The following KCNQ3 variants were observed in gnomAD, a reference collection of about 807,000 sequenced individuals.
The protein encoded by KCNQ3 is potassium voltage-gated channel subfamily KQT member 3.
KCNQ3 carries 30 observed loss-of-function variants against 92.5 expected under a neutral mutation model. The ratio of observed to expected loss-of-function variants is 0.32; its 90% confidence interval spans 0.24 to 0.44. The LOEUF is 0.44. Among genes scored for constraint, KCNQ3 ranks in the 20% least tolerant of loss-of-function variants. The pLI is 1.00. For missense variants in KCNQ3, 913 were observed against 1,140.3 expected, an observed-to-expected ratio of 0.80 and a Z score of 2.87; for synonymous variants, 450 against 468.8, an observed-to-expected ratio of 0.96 and a Z score of 0.52.
chr8:132,279,823 T>C (rs1357638845), intron 1 of KCNQ3, among the ~76,000 whole-genome samples: 1 of 151,414 alleles, frequency 6.6e-6, no homozygotes, highest in Non-Finnish European at 1.5e-5. Flanking sequence ...TATATATGCA[T>C]ACATATATGT....
intron 1 of KCNQ3, among the ~76,000 whole-genome samples, chr8:132,331,650 C>T (rs909727487): frequency 2.6e-5 from 4 of 152,150 alleles, no homozygotes; most frequent in African/African-American, 7.2e-5. Flanking sequence ...GAGCACCCAC[C>T]GTACTGAAGG....
intron 1 of KCNQ3, among the ~76,000 whole-genome samples, chr8:132,313,793 A>G (rs895844579): frequency 6.6e-6 from 1 of 152,220 alleles, no homozygotes; most frequent in Non-Finnish European, 1.5e-5. Flanking sequence ...AAAGCAAAGA[A>G]AAATATATCA....
intron 1 of KCNQ3, among the ~76,000 whole-genome samples, chr8:132,334,883 G>A (rs1818323289): frequency 6.6e-6 from 1 of 151,970 alleles, no homozygotes; most frequent in Non-Finnish European, 1.5e-5. Context: ...TCATACAACA[G>A]CCCCCACACT....
chr8:132,323,126 C>T (rs1488265618), intron 1 of KCNQ3, among the ~76,000 whole-genome samples: 2 of 152,120 alleles, frequency 1.3e-5, no homozygotes, highest in Admixed American at 6.5e-5. Flanking sequence ...TTTAGGAGAC[C>T]CTATGCCAAG....
At chr8:132,284,337 A>G (rs1455860101) in intron 1 of KCNQ3, among the ~76,000 whole-genome samples, 1 of 152,206 alleles carries the variant, frequency 6.6e-6, no homozygotes, top group African/African-American at 2.4e-5. Context: ...CCTCAGAAAG[A>G]AGAAACTCAA....
At chr8:132,244,767 C>G (rs895084543) in intron 1 of KCNQ3, among the ~76,000 whole-genome samples, 13 of 152,126 alleles carry the variant, frequency 8.5e-5, no homozygotes, top group African/African-American at 2.7e-4. Context: ...CAAGTAAGCA[C>G]AGAAGCCTAA....
In KCNQ3 at chr8:132,224,081, A is replaced by ATTTTTTTTTTTTTTTTTTTTTTTT. The variant is rs1164773143; in HGVS notation, c.387-37924_387-37901dup. On this transcript the variant is annotated intron_variant, in intron 1 of 14. Coordinates refer to ENST00000388996, the MANE Select transcript of KCNQ3 (RefSeq NM_004519.4). ...CAGACACACACCATCATGCCAGGCT[A>ATTTTTTTTTTTTTTTTTTTTTTTT]TTTTTTTTTTTTTTTTTTTTTTTTT... Among the ~76,000 whole-genome samples the ATTTTTTTTTTTTTTTTTTTTTTTT allele has an allele frequency of 1.5e-4, 6 of 39,460 alleles. 1 individual carries two copies. Among genetic ancestry groups the ATTTTTTTTTTTTTTTTTTTTTTTT allele is most frequent in the Non-Finnish European group, 2.5e-4 (5 of 19,696 alleles). 25.9% of individuals were successfully genotyped at this position (39,460 alleles called of 152,430 possible). A position where few individuals can be genotyped will look rare whatever the true frequency, so the allele number is the denominator to read the frequency against.
chr8:132,411,395 C>A (rs959720260), intron 1 of KCNQ3, among the ~76,000 whole-genome samples: 1 of 152,110 alleles, frequency 6.6e-6, no homozygotes, highest in Non-Finnish European at 1.5e-5. Flanking sequence ...GTAGGAATGT[C>A]AGACTAGAGA....
intron 1 of KCNQ3, among the ~76,000 whole-genome samples, chr8:132,365,512 C>T (rs1819297091): frequency 1.3e-5 from 2 of 152,166 alleles, no homozygotes; most frequent in South Asian, 4.1e-4. Context: ...TGTGAACTCC[C>T]AGGGTTTTCA....
At chr8:132,230,767 C>T (rs1242469433) in intron 1 of KCNQ3, among the ~76,000 whole-genome samples, 2 of 152,154 alleles carry the variant, frequency 1.3e-5, no homozygotes, top group African/African-American at 4.8e-5. Flanking sequence ...ATCTCCAGAA[C>T]ATTAGGTTGT....
intron 1 of KCNQ3, among the ~76,000 whole-genome samples, chr8:132,201,991 A>C (rs964280665): frequency 6.6e-6 from 1 of 152,152 alleles, no homozygotes. Context: ...TCCACGTTTA[A>C]GTTTCATGGT....
At chr8:132,330,055 G>T (rs1179253009) in intron 1 of KCNQ3, among the ~76,000 whole-genome samples, 1 of 152,194 alleles carries the variant, frequency 6.6e-6, no homozygotes, top group Non-Finnish European at 1.5e-5. Flanking sequence ...GAGATCATCT[G>T]GATTATCTAG....
At chr8:132,458,234 C>T (rs776202347) in intron 1 of KCNQ3, among the ~76,000 whole-genome samples, 1 of 152,196 alleles carries the variant, frequency 6.6e-6, no homozygotes, top group Non-Finnish European at 1.5e-5. Context: ...GTTCCTACCT[C>T]CCAGCAACCA....
rs771333555 is a variant in KCNQ3, at chr8:132,172,583, C to G, written c.1140+15G>C. The G allele has an allele frequency of 8.7e-6, 14 of 1,609,828 alleles. 1 individual carries two copies. The South Asian group carries it at 1.5e-4, about 18-fold the overall frequency. ...GATCTTAATCCCATTCCAGTTCATT[C>G]CCAGGCAGACAGACCTGAATGAGCT... On this transcript the variant is annotated intron_variant, in intron 7 of 14. Coordinates refer to ENST00000388996, the MANE Select transcript of KCNQ3 (RefSeq NM_004519.4).
intron 1 of KCNQ3, among the ~76,000 whole-genome samples, chr8:132,389,209 C>T (rs965987508): frequency 6.6e-6 from 1 of 152,168 alleles, no homozygotes; most frequent in African/African-American, 2.4e-5. Context: ...GTAATCCCAG[C>T]ACTTTGGGAG....
chr8:132,162,101 A>G (rs1445256359), intron 9 of KCNQ3, among the ~76,000 whole-genome samples: 1 of 152,136 alleles, frequency 6.6e-6, no homozygotes, highest in Non-Finnish European at 1.5e-5. Context: ...CTTGAAAGGG[A>G]CATGAGCAAG....
At chr8:132,401,522 T>C (rs1820331815) in intron 1 of KCNQ3, among the ~76,000 whole-genome samples, 1 of 152,126 alleles carries the variant, frequency 6.6e-6, no homozygotes. Flanking sequence ...ATGACAGTCA[T>C]GTGCCACCAC....
chr8:132,299,931 C>T (rs903906853), intron 1 of KCNQ3, among the ~76,000 whole-genome samples: 3 of 152,226 alleles, frequency 2.0e-5, no homozygotes, highest in Admixed American at 6.5e-5. Flanking sequence ...AGGCCATGTG[C>T]TCCTCTTCTC....
At chr8:132,395,086 C>T (rs1045883421) in intron 1 of KCNQ3, among the ~76,000 whole-genome samples, 13 of 152,222 alleles carry the variant, frequency 8.5e-5, no homozygotes, top group African/African-American at 2.9e-4. Flanking sequence ...CCCTTCCAAC[C>T]CTGCTGGTTT....
Sources: gnomAD v4.1 joint callset for allele counts (sites outside exome capture counted in the v4.1 genomes callset) on GRCh38, gnomAD v4.1.1 for gene constraint, MANE v1.5 for transcripts, NCBI Gene and HGNC (gene_info 2026-07-23, HGNC 2026-07-21) for gene names.